Variants in ATM observed in about 807,000 individuals in gnomAD.
ATM encodes the protein ATM serine/threonine kinase.
In ATM, 308 loss-of-function variants were observed where a neutral mutation model predicts 387.0. That is an observed-to-expected ratio of 0.80 (90% CI 0.73 to 0.87). The LOEUF is 0.87. Among genes scored for constraint, ATM ranks in the 40% least tolerant of loss-of-function variants. The pLI is 0.00. For synonymous variants in ATM, 1,156 were observed against 1,187.3 expected, an observed-to-expected ratio of 0.97 and a Z score of 0.54; for missense variants, 3,312 against 3,560.9, an observed-to-expected ratio of 0.93 and a Z score of 1.78.
rs879254274 is a variant in ATM, at chr11:108,302,925, C to G, written c.5392C>G (p.Leu1798Val). ...GGATGATATAAATCTGTGGATTCCT[C>G]TAAGTGAAAATCATGACATTTGGAT... is the stretch of plus-strand genomic sequence containing the variant. ...GLDDINLWIP[L>V]SENHDIWIKT... The change falls in exon 36 of 63, where the codon CTA becomes GTA. Residue 1798 changes from leucine to valine, a missense_variant. Leu to Val is a conservative substitution (Grantham distance 32, BLOSUM62 1). Transcript: ENST00000675843. The G allele has an allele frequency of 6.2e-7, 1 of 1,613,398 alleles. No homozygotes were observed. Among genetic ancestry groups the G allele is most frequent in the Non-Finnish European group, 8.5e-7 (1 of 1,179,470 alleles).
chr11:108,283,781 CAG>C (rs2082348784), intron 25 of ATM, among the ~76,000 whole-genome samples: 1 of 152,192 alleles, frequency 6.6e-6, no homozygotes, highest in South Asian at 2.1e-4. Flanking sequence ...TCTGTATATA[CAG>C]ACTTTCACAT....
At chr11:108,241,551 T>C (rs1324239344) in intron 5 of ATM, among the ~76,000 whole-genome samples, 2 of 152,154 alleles carry the variant, frequency 1.3e-5, no homozygotes, top group Non-Finnish European at 2.9e-5. Context: ...TTTTCAGTTC[T>C]GATACAATCT....
intron 57 of ATM, 62 bp from the exon 58 acceptor site, chr11:108,345,681 G>A (rs2088248256): frequency 8.6e-6 from 11 of 1,276,382 alleles, no homozygotes; most frequent in Non-Finnish European, 1.2e-5. Flanking sequence ...ATATAAAAAT[G>A]TGTATATTAG....
In ATM at chr11:108,366,134, C is replaced by CAGTT. The variant is rs941339869; in HGVS notation, c.*630_*633dup. 2 of 191,544 alleles carry CAGTT rather than the reference C, an allele frequency of 1.0e-5. No individual in the cohort carries two copies. Among genetic ancestry groups the CAGTT allele is most frequent in the Admixed American group, 1.2e-4 (2 of 16,432 alleles). 11.9% of individuals were successfully genotyped at this position (191,544 alleles called of 1,614,324 possible). On this transcript the variant is annotated 3_prime_UTR_variant, in exon 63 of 63. Transcript: ENST00000675843. ...TTATGGAGAACAAATTTCAAAGACACAGTTAGTGTAGTTACTATTTTTTTA... is the reference window on the plus strand; with the variant it reads ...TTATGGAGAACAAATTTCAAAGACACAGTTAGTTAGTGTAGTTACTATTTTTTTA...
chr11:108,284,273 T>C lies in ATM; in HGVS notation c.3793T>C (p.Phe1265Leu), dbSNP rs371526361. 9.3e-6 allele frequency: 15 copies of C among 1,613,114 alleles called. No homozygotes were observed. In the African/African-American group the frequency reaches 2.0e-4, roughly 22 times the overall value. The change falls in exon 26 of 63, where the codon TTT becomes CTT. Residue 1265 changes from phenylalanine (F) to leucine (L), a missense_variant. Phe to Leu is a conservative substitution (Grantham distance 22, BLOSUM62 0). Around this residue, in one of 4 missense-constraint regions of ATM, gnomAD observed 1,791 missense variants for 1,804.5 expected, o/e 0.99. Transcript: ENST00000675843. ...TCCACATCTGGTGATTAGAAGTCAT[T>C]TTGATGAGGTGAAGTCCATTGCTAA... ...LIPHLVIRSHFDEVKSIANQI... is the reference protein window; with the variant it reads ...LIPHLVIRSHLDEVKSIANQI...
At position 108,359,613 on chromosome 11, in the gene ATM, C is replaced by A. The variant is rs567604815; in HGVS notation, c.8850+4739C>A. Among the ~76,000 whole-genome samples, 44 of 152,234 alleles carry A rather than the reference C, an allele frequency of 2.9e-4. No individual in the cohort carries two copies. In the East Asian group the frequency reaches 3.9e-3, roughly 13 times the overall value. On this transcript the variant is annotated intron_variant, in intron 61 of 62. Coordinates refer to ENST00000675843, the MANE Select transcript of ATM (RefSeq NM_000051.4). ...CAAACTATCTCTCAGACCACAGTGA[C>A]ATCAAACTAGAACTCAGGATTAAGA... is the stretch of plus-strand genomic sequence containing the variant.
At chr11:108,351,164 A>G (rs1329988854) in intron 59 of ATM, among the ~76,000 whole-genome samples, 1 of 152,234 alleles carries the variant, frequency 6.6e-6, no homozygotes, top group East Asian at 1.9e-4. Flanking sequence ...GTACACATGT[A>G]TAATTCCATT....
intron 7 of ATM, 125 bp downstream of exon 7, chr11:108,245,151 C>A (rs914995900): frequency 1.2e-6 from 1 of 811,566 alleles, no homozygotes; most frequent in Non-Finnish European, 2.0e-6. Context: ...GATAATGTTA[C>A]TTAGCCATGA....
rs751537332 is a variant in ATM at position 108,330,226 on chromosome 11, G to C, written c.7320G>C (p.Lys2440Asn). The C allele has an allele frequency of 7.4e-6, 12 of 1,614,052 alleles. No individual in the cohort carries two copies. The highest frequency in any genetic ancestry group is 1.0e-5 in the Non-Finnish European group (12 of 1,179,960). The change falls in exon 50 of 63, where the codon AAG (lysine) becomes AAC (asparagine). Residue 2440 changes from lysine to asparagine, a missense_variant. Physicochemically the swap from Lys to Asn is moderately conservative, Grantham distance 94. Transcript: ENST00000675843. Reference protein sequence around the residue: ...HKIQTNRYTVKVQRELELDEL... With the variant: ...HKIQTNRYTVNVQRELELDEL... ...TATTCTATGCAAGATACACAGTAAA[G>C]GTTCAGCGAGAGCTGGAGTTGGATG...
At chr11:108,365,260 A>T in intron 62 of ATM, 42 bp downstream of exon 62, 1 of 1,614,090 alleles carries the variant, frequency 6.2e-7, no homozygotes, top group Non-Finnish European at 8.5e-7. Context: ...AGTTTTTCAG[A>T]TTTTCTTATT....
At chr11:108,310,503 G>A (rs1471231725) in intron 39 of ATM, among the ~76,000 whole-genome samples, 188 bp downstream of exon 39, 1 of 151,988 alleles carries the variant, frequency 6.6e-6, no homozygotes, top group African/African-American at 2.4e-5. Context: ...TGAAATAATA[G>A]GAATGCTTAT....
intron 12 of ATM, among the ~76,000 whole-genome samples, chr11:108,253,330 CAA>C (rs2080258730): frequency 6.6e-6 from 1 of 152,080 alleles, no homozygotes. Flanking sequence ...TTGATTGACT[CAA>C]GAGACTTAGA....
intron 57 of ATM, among the ~76,000 whole-genome samples, chr11:108,343,813 C>G (rs1263938589): frequency 2.0e-5 from 3 of 152,046 alleles, no homozygotes; most frequent in Non-Finnish European, 4.4e-5. Context: ...ACAACAACAA[C>G]AAGATTATGA....
intron 22 of ATM, among the ~76,000 whole-genome samples, chr11:108,276,903 A>G (rs2081979181): frequency 6.6e-6 from 1 of 152,158 alleles, no homozygotes; most frequent in African/African-American, 2.4e-5. Flanking sequence ...GTGCTGGGAG[A>G]TCCGCTATTC....
At chr11:108,342,167 C>G (rs1218842600) in intron 56 of ATM, among the ~76,000 whole-genome samples, 1 of 152,106 alleles carries the variant, frequency 6.6e-6, no homozygotes, top group African/African-American at 2.4e-5. Context: ...GGCAATTCTT[C>G]CAGTGTGGCC....
chr11:108,353,119 G>C (rs1218606898), intron 59 of ATM, among the ~76,000 whole-genome samples: 1 of 152,074 alleles, frequency 6.6e-6, no homozygotes, highest in Non-Finnish European at 1.5e-5. Context: ...CTTACAACTC[G>C]AAGTGAACAT....
intron 61 of ATM, among the ~76,000 whole-genome samples, chr11:108,364,098 A>G (rs2091086008): frequency 1.3e-5 from 2 of 152,248 alleles, no homozygotes; most frequent in South Asian, 4.1e-4. Context: ...AAACAGCATT[A>G]AAAAATAGAG....
In ATM at chr11:108,256,369, G is replaced by A. The variant is rs778727811; in HGVS notation, c.2250+29G>A. On this transcript the variant is annotated intron_variant, in intron 14 of 62. Coordinates refer to ENST00000675843, the MANE Select transcript of ATM (RefSeq NM_000051.4). ...GGAGAATTTATACTAATAAAGTTTC[G>A]GATAAATTTGAATGAAATGTATTCC... The A allele has an allele frequency of 1.5e-5, 24 of 1,591,130 alleles. No homozygotes were observed. The highest frequency in any genetic ancestry group is 6.7e-5 in the South Asian group (6 of 89,890).
intron 56 of ATM, among the ~76,000 whole-genome samples, chr11:108,338,813 C>A (rs1045031317): frequency 2.6e-5 from 4 of 152,126 alleles, no homozygotes; most frequent in Non-Finnish European, 4.4e-5. Flanking sequence ...GAGATTACTC[C>A]AAGAATGTGA....
Sources: gnomAD v4.1 joint callset for allele counts (sites outside exome capture counted in the v4.1 genomes callset) on GRCh38, gnomAD v4.1.1 for gene constraint, gnomAD v4.1.1 regional missense constraint, MANE v1.5 for transcripts, NCBI Gene and HGNC (gene_info 2026-07-23, HGNC 2026-07-21) for gene names.